Variants in RBMS1 observed in about 807,000 individuals in gnomAD.
The protein encoded by RBMS1 is RNA-binding motif, single-stranded-interacting protein 1.
Under a neutral mutation model 62.3 loss-of-function variants are expected in RBMS1, and 17 were observed. That is an observed-to-expected ratio of 0.27 (90% CI 0.19 to 0.41). The LOEUF (loss-of-function observed/expected upper bound fraction) is 0.41. Ranked by LOEUF, RBMS1 falls within the 10% of genes least tolerant of loss-of-function variation. The pLI is 1.00. For missense variants in RBMS1, 334 were observed against 504.5 expected (o/e 0.66, Z 3.24); for synonymous variants, 172 against 170.0 (o/e 1.01, Z -0.09).
Position 160,293,228 on chromosome 2 carries a change from G to A in RBMS1, c.641-6144C>T, listed in dbSNP as rs535570409. Among the ~76,000 whole-genome samples the A allele has an allele frequency of 2.6e-5, 4 of 152,180 alleles. No individual in the cohort carries two copies. In the South Asian group the frequency reaches 8.3e-4, roughly 32 times the overall value. On this transcript the variant is annotated intron_variant, in intron 6 of 13. Transcript: ENST00000348849. ...ATAAAAACCTTTGAAAAATCTCCAG[G>A]CCTTTTACTAGATTCATAATTTTCC...
rs1553518102 is a variant in RBMS1, at chr2:160,383,453, T to TTGGG, written c.76-16063_76-16062insCCCA. ...TCTGGGGTTCTGGTTAGACATGAAT[T>TTGGG]GGGGGGGGGGGAACTGACCCACTAC... is the stretch of plus-strand genomic sequence containing the variant. On this transcript the variant is annotated intron_variant, in intron 1 of 13. Transcript: ENST00000348849. Among the ~76,000 whole-genome samples, 167 of 74,984 alleles carry TTGGG rather than the reference T, an allele frequency of 2.2e-3. 2 individuals are homozygous for TTGGG. Among genetic ancestry groups the TTGGG allele is most frequent in the African/African-American group, 5.4e-3 (151 of 27,906 alleles). 49.2% of individuals were successfully genotyped at this position (74,984 alleles called of 152,430 possible).
intron 2 of RBMS1, 39 bp downstream of exon 2, chr2:160,367,177 T>A (rs12692594): frequency 0.21 from 331,003 of 1,581,966 alleles, 38,866 homozygotes; most frequent in Admixed American, 0.43. Context: ...ATCAAGAAAA[T>A]ACTTAGCAGC....
chr2:160,484,835 C>CA (rs1354178545), intron 1 of RBMS1, among the ~76,000 whole-genome samples: 2 of 150,842 alleles, frequency 1.3e-5, no homozygotes, highest in Admixed American at 1.3e-4. Flanking sequence ...TGTGCCACTG[C>CA]ACCCCAGCCT....
At chr2:160,292,821 C>A (rs375936033) in intron 6 of RBMS1, among the ~76,000 whole-genome samples, 1 of 152,192 alleles carries the variant, frequency 6.6e-6, no homozygotes, top group East Asian at 1.9e-4. Flanking sequence ...GGGACTAGAA[C>A]ACTGGCACAT....
intron 1 of RBMS1, among the ~76,000 whole-genome samples, chr2:160,453,493 T>C (rs1215136655): frequency 6.6e-6 from 1 of 152,188 alleles, no homozygotes; most frequent in African/African-American, 2.4e-5. Flanking sequence ...ACTTTCATAA[T>C]TTAAAAAAAG....
At chr2:160,440,107 G>GAGGGGAC (rs1683350655) in intron 1 of RBMS1, among the ~76,000 whole-genome samples, 1 of 110,438 alleles carries the variant, frequency 9.1e-6, no homozygotes, top group Non-Finnish European at 1.9e-5. Flanking sequence ...GGAGAGGGGA[G>GAGGGGAC]AGGGCTTTTT....
chr2:160,336,036 G>A lies in RBMS1; in HGVS notation c.252-17809C>T, dbSNP rs114303143. On this transcript the variant is annotated intron_variant, in intron 2 of 13. Transcript: ENST00000348849. Reference sequence around the variant, plus strand: ...ATTTTACACTGAGCAGCTCATGTTAGGGTGTGAAATTTAGGTGTGTTCCCT... The same window carrying A: ...ATTTTACACTGAGCAGCTCATGTTAAGGTGTGAAATTTAGGTGTGTTCCCT... Among the ~76,000 whole-genome samples the A allele has an allele frequency of 3.9e-3, 589 of 152,206 alleles. 6 individuals carry two copies. Among genetic ancestry groups the A allele is most frequent in the African/African-American group, 0.014 (572 of 41,544 alleles).
chr2:160,291,864 C>CA (rs1465159572), intron 6 of RBMS1, among the ~76,000 whole-genome samples: 4 of 152,108 alleles, frequency 2.6e-5, no homozygotes, highest in African/African-American at 9.7e-5. Flanking sequence ...ATGTTAAATA[C>CA]AAAACAAAAA....
intron 1 of RBMS1, among the ~76,000 whole-genome samples, chr2:160,486,350 T>C (rs1168317479): frequency 6.6e-6 from 1 of 152,208 alleles, no homozygotes; most frequent in Non-Finnish European, 1.5e-5. Flanking sequence ...CATCCAATTC[T>C]GCCATTCTAA....
chr2:160,311,232 C>CTATATATATATATATATATATA (rs10530445), intron 4 of RBMS1, among the ~76,000 whole-genome samples: 1 of 79,252 alleles, frequency 1.3e-5, no homozygotes, highest in African/African-American at 4.4e-5. Context: ...ATCTATCTAT[C>CTATATATATATATATATATATA]TATATATATA....
chr2:160,324,667 G>A (rs143230450), intron 2 of RBMS1, among the ~76,000 whole-genome samples: 231 of 151,874 alleles, frequency 1.5e-3, no homozygotes, highest in Non-Finnish European at 2.5e-3. Flanking sequence ...CACACATCCC[G>A]TAAAAGACGC....
intron 2 of RBMS1, among the ~76,000 whole-genome samples, chr2:160,347,283 C>T (rs1692240238): frequency 6.6e-6 from 1 of 152,100 alleles, no homozygotes. Flanking sequence ...AAAAATTCAA[C>T]ATAACTGCTC....
At chr2:160,454,563 T>G (rs1684137075) in intron 1 of RBMS1, among the ~76,000 whole-genome samples, 1 of 151,776 alleles carries the variant, frequency 6.6e-6, no homozygotes, top group Non-Finnish European at 1.5e-5. Flanking sequence ...TGAGAAAGAG[T>G]GTCCCAAAAG....
chr2:160,335,887 T>C (rs1015238046), intron 2 of RBMS1, among the ~76,000 whole-genome samples: 4 of 152,182 alleles, frequency 2.6e-5, no homozygotes, highest in Non-Finnish European at 4.4e-5. Context: ...AAGAGGACCA[T>C]TCATTAAAAG....
intron 6 of RBMS1, among the ~76,000 whole-genome samples, chr2:160,296,815 ATGGGGCACTC>A (rs1688957937): frequency 2.0e-5 from 3 of 152,182 alleles, no homozygotes. Flanking sequence ...GTTTTGGCAA[ATGGGGCACTC>A]TGTTCTAATT....
At chr2:160,482,489 C>T (rs568592469) in intron 1 of RBMS1, among the ~76,000 whole-genome samples, 1 of 152,290 alleles carries the variant, frequency 6.6e-6, no homozygotes, top group East Asian at 1.9e-4. Context: ...ATCACACCTT[C>T]CAGGGCCTAA....
At chr2:160,285,457 C>A (rs112971915) in intron 7 of RBMS1, among the ~76,000 whole-genome samples, 2 of 152,120 alleles carry the variant, frequency 1.3e-5, no homozygotes, top group African/African-American at 2.4e-5. Flanking sequence ...ATACTAGCTA[C>A]GTTTCAAGTG....
chr2:160,435,417 T>C (rs1683069600), intron 1 of RBMS1, among the ~76,000 whole-genome samples: 1 of 152,210 alleles, frequency 6.6e-6, no homozygotes, highest in Non-Finnish European at 1.5e-5. Context: ...TGAAGTTAAG[T>C]GATTTGCCAA....
intron 1 of RBMS1, among the ~76,000 whole-genome samples, chr2:160,443,575 C>T (rs2105307039): frequency 6.6e-6 from 1 of 152,062 alleles, no homozygotes; most frequent in Non-Finnish European, 1.5e-5. Flanking sequence ...CCCACTCTCT[C>T]TCTGGTTCCT....
Sources: gnomAD v4.1 joint callset for allele counts (sites outside exome capture counted in the v4.1 genomes callset) on GRCh38, gnomAD v4.1.1 for gene constraint, MANE v1.5 for transcripts, NCBI Gene and HGNC (gene_info 2026-07-23, HGNC 2026-07-21) for gene names.